The following C7 variants were observed in gnomAD, a reference collection of about 807,000 sequenced individuals.
The protein encoded by C7 is complement C7.
Under a neutral mutation model 104.8 loss-of-function variants are expected in C7, and 83 were observed. The observed-to-expected ratio is 0.79, with a 90% CI of 0.66 to 0.95. The LOEUF (loss-of-function observed/expected upper bound fraction) is 0.95. Among genes scored for constraint, C7 ranks in the 40% least tolerant of loss-of-function variants. The probability of loss-of-function intolerance (pLI) is 0.00; values close to 1 mark genes in which losing one functional copy is unlikely to be tolerated. For missense variants in C7, 1,070 were observed against 1,011.2 expected, an observed-to-expected ratio of 1.06 and a Z score of -0.79; for synonymous variants, 415 against 360.6, an observed-to-expected ratio of 1.15 and a Z score of -1.71.
In C7 at chr5:40,931,148, A is replaced by G. The variant is rs1424845507; in HGVS notation, c.138+9A>G. ...GCTGTACCAAGACTCAGGTAGGACC[A>G]TGCAAAACTTTGTATTTGATTATTT... On this transcript the variant is annotated intron_variant, in intron 3 of 17. Coordinates refer to ENST00000313164, the MANE Select transcript of C7 (RefSeq NM_000587.4). 1 of 1,606,844 alleles carries G rather than the reference A, an allele frequency of 6.2e-7. No homozygotes were observed. The highest frequency in any genetic ancestry group is 8.5e-7 in the Non-Finnish European group (1 of 1,173,544).
chr5:40,948,628 A>G (rs1227449249), intron 8 of C7, among the ~76,000 whole-genome samples: 3 of 152,178 alleles, frequency 2.0e-5, no homozygotes, highest in Admixed American at 6.6e-5. Context: ...AGTCCTCACT[A>G]TCTGTCTAGA....
intron 1 of C7, among the ~76,000 whole-genome samples, chr5:40,928,200 ACAATC>A (rs1203012152): frequency 3.3e-5 from 5 of 152,306 alleles, no homozygotes; most frequent in African/African-American, 1.2e-4. Flanking sequence ...ATGATGTAAA[ACAATC>A]GAACTTGTAG....
intron 14 of C7, chr5:40,967,841 TATTA>T (rs1740592931): frequency 6.6e-6 from 1 of 152,412 alleles, no homozygotes. Flanking sequence ...AAAAGGGTAT[TATTA>T]ATTGTTTTTT....
intron 1 of C7, among the ~76,000 whole-genome samples, chr5:40,913,126 C>T (rs1222528921): frequency 6.6e-6 from 1 of 152,176 alleles, no homozygotes; most frequent in East Asian, 1.9e-4. Context: ...CTGCAAAAGA[C>T]ATGGTTTCAT....
chr5:40,913,413 C>T (rs1739252595), intron 1 of C7, among the ~76,000 whole-genome samples: 2 of 152,060 alleles, frequency 1.3e-5, no homozygotes, highest in South Asian at 4.1e-4. Context: ...AATTTACATT[C>T]CCACCAATAG....
chr5:40,964,769 A>G lies in C7; in HGVS notation c.1778A>G (p.Lys593Arg). The change falls in exon 14 of 18, where the codon AAA becomes AGA. Residue 593 changes from lysine (K) to arginine (R), a missense_variant. Lys to Arg is a conservative substitution (Grantham distance 26). Transcript: ENST00000313164. ...QDEGTMFPVG[K>R]NVVYTCNEGY... The stretch of plus-strand genomic sequence containing the variant: ...GAAGGTACAATGTTTCCTGTGGGGA[A>G]AAATGTAGTGTACACTTGCAATGAA... 1 of 1,613,344 alleles carries G rather than the reference A, an allele frequency of 6.2e-7. No individual in the cohort carries two copies. Among genetic ancestry groups the G allele is most frequent in the Non-Finnish European group, 8.5e-7 (1 of 1,179,394 alleles).
chr5:40,934,508 C>T (rs1444705437), intron 4 of C7, 42 bp downstream of exon 4: 1 of 1,594,742 alleles, frequency 6.3e-7, no homozygotes, highest in Admixed American at 1.7e-5. Flanking sequence ...ATTGTAAATT[C>T]AAACGTTATT....
intron 1 of C7, among the ~76,000 whole-genome samples, chr5:40,924,563 T>A (rs1456363855): frequency 6.6e-6 from 1 of 152,218 alleles, no homozygotes; most frequent in African/African-American, 2.4e-5. Context: ...CAACCCTGCA[T>A]TTCCCCCTTT....
rs973881049 is a variant in C7, at chr5:40,983,333, C to T, written c.*1760C>T. Among the ~76,000 whole-genome samples, 23 of 152,116 alleles carry T rather than the reference C, an allele frequency of 1.5e-4. No individual in the cohort carries two copies. The highest frequency in any genetic ancestry group is 4.8e-4 in the African/African-American group (20 of 41,408). On this transcript the variant is annotated 3_prime_UTR_variant, in exon 18 of 18. Coordinates refer to ENST00000313164, the MANE Select transcript of C7 (RefSeq NM_000587.4). ...AGCTAGTATGGAGTTAGATTCCTAC[C>T]GCTTATGTATCACCATGCCCCCTTC...
At chr5:40,955,592 T>A in intron 10 of C7, 39 bp downstream of exon 10, 1 of 1,574,730 alleles carries the variant, frequency 6.4e-7, no homozygotes, top group African/African-American at 1.4e-5. Flanking sequence ...GAAGCAGTCA[T>A]GTTTATTTGC....
chr5:40,942,283 T>C (rs1014686763), intron 6 of C7, among the ~76,000 whole-genome samples: 2 of 152,200 alleles, frequency 1.3e-5, no homozygotes, highest in African/African-American at 4.8e-5. Context: ...AGAACATGTA[T>C]GTTTTGATAG....
At chr5:40,955,167 T>C (rs908639031) in intron 9 of C7, among the ~76,000 whole-genome samples, 9 of 152,210 alleles carry the variant, frequency 5.9e-5, no homozygotes, top group African/African-American at 2.2e-4. Flanking sequence ...TTTTGACAAA[T>C]GTATAACGAC....
Position 40,947,782 on chromosome 5 carries a change from G to A in C7, c.919G>A (p.Gly307Arg). Residue 307 changes from glycine (G) to arginine (R), a missense_variant, in exon 8 of 18, where the codon GGG becomes AGG. Transcript: ENST00000313164. ...GTACGGGACACATTATCTGCAATCT[G>A]GGTCGTTAGGAGGAGAATACAGAGT... ...DQYGTHYLQS[G>R]SLGGEYRVLF... 6.2e-7 allele frequency: 1 copy of A among 1,613,402 alleles called. No individual in the cohort carries two copies.
chr5:40,982,090 G>A lies in C7; in HGVS notation c.*517G>A, dbSNP rs1740961008. The A allele has an allele frequency of 6.6e-6, 1 of 152,392 alleles. No individual in the cohort carries two copies. Among genetic ancestry groups the A allele is most frequent in the South Asian group, 2.1e-4 (1 of 4,824 alleles). The allele number at this position is 152,392 out of a possible 1,614,324, so 9.4% of individuals were successfully genotyped here. ...ATACAAACTATTTCTATCCTGAGTA[G>A]TAATCTCACACTTCATCCTATAGAG... On this transcript the variant is annotated 3_prime_UTR_variant, in exon 18 of 18. Coordinates refer to ENST00000313164, the MANE Select transcript of C7 (RefSeq NM_000587.4).
intron 3 of C7, 81 bp downstream of exon 3, chr5:40,931,220 T>C (rs1739677008): frequency 1.4e-5 from 14 of 998,036 alleles, no homozygotes; most frequent in Middle Eastern, 4.1e-4. Context: ...AACTTTTGAA[T>C]GTTCATTAAA....
intron 15 of C7, among the ~76,000 whole-genome samples, chr5:40,973,358 A>AT (rs542599487): frequency 8.2e-4 from 125 of 152,326 alleles, no homozygotes; most frequent in African/African-American, 2.7e-3. Flanking sequence ...CTTGCATACT[A>AT]TTTTATGTGA....
chr5:40,927,364 T>C (rs957407213), intron 1 of C7, among the ~76,000 whole-genome samples: 2 of 151,976 alleles, frequency 1.3e-5, no homozygotes, highest in African/African-American at 4.8e-5. Flanking sequence ...ACTCCAAAAG[T>C]GCAGGCAACA....
In C7 at chr5:40,937,622, A is replaced by G; in HGVS notation, c.499A>G (p.Lys167Glu). ...CAAAAGTTTTGGTGGTCAATGTAGA[A>G]AGGTGTTTAGTGGGGATGGAAAAGA... ...NTKSFGGQCR[K>E]VFSGDGKDFY... The change falls in exon 6 of 18, where the codon AAG (lysine) becomes GAG (glutamate). Residue 167 changes from lysine to glutamate, a missense_variant. Physicochemically the swap from Lys to Glu is moderately conservative, Grantham distance 56. Transcript: ENST00000313164. The G allele has an allele frequency of 6.2e-7, 1 of 1,612,572 alleles. No individual in the cohort carries two copies. The highest frequency in any genetic ancestry group is 1.1e-5 in the South Asian group (1 of 90,876).
At position 40,945,330 on chromosome 5, in the gene C7, A is replaced by G. The variant is rs200617744; in HGVS notation, c.700A>G (p.Ser234Gly). Residue 234 changes from serine (S) to glycine (G), a missense_variant, in exon 7 of 18, where the codon AGT becomes GGT. By Grantham distance (56) the Ser-to-Gly change is moderately conservative. Transcript: ENST00000313164. ...FFRSSSSSSR[S>G]YTSHTNEIHK... ...TAGATCTTCATCATCTTCTTCACGC[A>G]GTTATACTTCACATACCAATGAAAT... is the stretch of plus-strand genomic sequence containing the variant. The G allele has an allele frequency of 1.4e-4, 225 of 1,608,000 alleles. No homozygotes were observed. Among genetic ancestry groups the G allele is most frequent in the Non-Finnish European group, 1.8e-4 (211 of 1,177,988 alleles).
Sources: allele counts gnomAD v4.1 joint callset (sites outside exome capture counted in the v4.1 genomes callset), GRCh38; gene constraint gnomAD v4.1.1; transcripts MANE v1.5; gene names NCBI Gene and HGNC (gene_info 2026-07-23, HGNC 2026-07-21).